The following NRIP1 variants were observed in gnomAD, a reference collection of about 807,000 sequenced individuals.
NRIP1 encodes nuclear receptor interacting protein 1, also known as nuclear receptor-interacting protein 1.
In NRIP1, 28 loss-of-function variants were observed where a neutral mutation model predicts 75.0. The observed-to-expected ratio is 0.37, with a 90% confidence interval of 0.28 to 0.51. The LOEUF is 0.51. NRIP1 is among the 20% of genes least tolerant of loss of function. The pLI is 0.92. For synonymous variants in NRIP1, 526 were observed against 487.6 expected, an observed-to-expected ratio of 1.08 and a Z score of -1.04; for missense variants, 1,435 against 1,343.7, an observed-to-expected ratio of 1.07 and a Z score of -1.06.
At position 14,965,689 on chromosome 21, in the gene NRIP1, G is replaced by A. The variant is rs1401960498; in HGVS notation, c.2504C>T (p.Ser835Leu). 1.9e-6 allele frequency: 3 copies of A among 1,613,536 alleles called. No homozygotes were observed. The African/African-American group carries it at 4.0e-5, about 22-fold the overall frequency. Residue 835 changes from serine (S) to leucine (L), a missense_variant, in exon 4 of 4, where the codon TCA (serine) becomes TTA (leucine). By Grantham distance (145) the Ser-to-Leu change is moderately radical (BLOSUM62 -2). Transcript: ENST00000318948. ...TTCATTATTTCTGTGACTCCTGTCT[G>A]AATCATCTGCCAGGTAACTATCTTG... ...QNQDSYLADD[S>L]DRSHRNNEMA...
At chr21:15,010,118 C>G (rs965426316) in intron 3 of NRIP1, among the ~76,000 whole-genome samples, 3 of 152,028 alleles carry the variant, frequency 2.0e-5, no homozygotes, top group African/African-American at 7.2e-5. Flanking sequence ...ACTCATATAC[C>G]TCTAATCCAG....
intron 3 of NRIP1, among the ~76,000 whole-genome samples, chr21:14,988,667 T>C (rs907963083): frequency 1.8e-4 from 28 of 152,132 alleles, no homozygotes; most frequent in African/African-American, 6.0e-4. Flanking sequence ...AAAAGATGCA[T>C]ATAATTTCTT....
At chr21:15,009,854 A>T (rs2088060950) in intron 3 of NRIP1, among the ~76,000 whole-genome samples, 1 of 152,216 alleles carries the variant, frequency 6.6e-6, no homozygotes, top group Admixed American at 6.5e-5. Flanking sequence ...ATAGCTTTTT[A>T]AAAAGACAAT....
chr21:14,972,777 A>G (rs916902698), intron 3 of NRIP1, among the ~76,000 whole-genome samples: 1 of 152,224 alleles, frequency 6.6e-6, no homozygotes, highest in African/African-American at 2.4e-5. Flanking sequence ...ATCATCAGGC[A>G]TTAGATTCTT....
chr21:15,047,706 T>C (rs1159261981), intron 1 of NRIP1, among the ~76,000 whole-genome samples: 3 of 152,070 alleles, frequency 2.0e-5, no homozygotes, highest in Non-Finnish European at 4.4e-5. Flanking sequence ...AAGATGAGAT[T>C]TGGGTGGAGA....
chr21:14,967,098 T>G lies in NRIP1; in HGVS notation c.1095A>C (p.Ser365=). The G allele has an allele frequency of 6.2e-7, 1 of 1,614,148 alleles. No individual in the cohort carries two copies. Among genetic ancestry groups the G allele is most frequent in the South Asian group, 1.1e-5 (1 of 91,082 alleles). ...CTTGTTTTATATTGTTTCTTTCCAGTGAGTTCTTATAACCTGCATTTTTAG... is the reference window on the plus strand; with the variant it reads ...CTTGTTTTATATTGTTTCTTTCCAGGGAGTTCTTATAACCTGCATTTTTAG... ...SSPKNAGYKN[S]LERNNIKQAA... is the part of the protein sequence containing the mutation. The change falls in exon 4 of 4, where the codon TCA becomes TCC. Residue 365 remains serine, a synonymous_variant. Coordinates refer to ENST00000318948, the MANE Select transcript of NRIP1 (RefSeq NM_003489.4).
chr21:15,052,791 G>A (rs2089229671), intron 1 of NRIP1, among the ~76,000 whole-genome samples: 1 of 151,932 alleles, frequency 6.6e-6, no homozygotes. Context: ...AAAGTAACAT[G>A]CTATCATTAA....
In NRIP1 at chr21:14,967,642, T is replaced by C. The variant is rs771853857; in HGVS notation, c.551A>G (p.His184Arg). The C allele has an allele frequency of 1.2e-6, 2 of 1,613,864 alleles. No homozygotes were observed. The highest frequency in any genetic ancestry group is 1.7e-6 in the Non-Finnish European group (2 of 1,179,976). The change falls in exon 4 of 4, where the codon CAC (histidine) becomes CGC (arginine). Residue 184 changes from histidine to arginine, a missense_variant. His to Arg is a conservative substitution (Grantham distance 29, BLOSUM62 0). Coordinates refer to ENST00000318948, the MANE Select transcript of NRIP1 (RefSeq NM_003489.4). ...DLRCYGVASSHLKTLLKKSKV... is the reference protein window; with the variant it reads ...DLRCYGVASSRLKTLLKKSKV... The stretch of plus-strand genomic sequence containing the variant: ...ACTTTTCTTCAACAAAGTTTTTAAG[T>C]GACTTGATGCAACACCATAGCACCT...
At chr21:15,031,173 GTACACTCTGGAAGGCGTTCA>G (rs1568993821) in intron 2 of NRIP1, among the ~76,000 whole-genome samples, 1 of 110,584 alleles carries the variant, frequency 9.0e-6, no homozygotes, top group Non-Finnish European at 1.9e-5. Context: ...TTCTATGTGT[GTACACTCTGGAAGGCGTTCA>G]GAGGTTCACC....
chr21:15,065,493 T>A (rs1176801760), upstream of NRIP1, among the ~76,000 whole-genome samples: 1 of 151,620 alleles, frequency 6.6e-6, no homozygotes, highest in Non-Finnish European at 1.5e-5. Flanking sequence ...CGCTCCAGGG[T>A]CCCCGCCTGC....
chr21:15,022,470 C>G (rs2066671426), intron 2 of NRIP1, among the ~76,000 whole-genome samples: 1 of 152,116 alleles, frequency 6.6e-6, no homozygotes, highest in African/African-American at 2.4e-5. Context: ...TTGATCTATG[C>G]AGTAAACCAC....
intron 3 of NRIP1, among the ~76,000 whole-genome samples, chr21:14,980,167 A>G (rs1183838694): frequency 1.3e-5 from 2 of 152,162 alleles, no homozygotes; most frequent in Admixed American, 1.3e-4. Context: ...CAAAAACAAA[A>G]AGTGATTCTT....
Position 14,966,052 on chromosome 21 carries a change from T to C in NRIP1, c.2141A>G (p.Gln714Arg), listed in dbSNP as rs760269738. 6.2e-7 allele frequency: 1 copy of C among 1,613,084 alleles called. No individual in the cohort carries two copies. Among genetic ancestry groups the C allele is most frequent in the Admixed American group, 1.7e-5 (1 of 59,934 alleles). Residue 714 changes from glutamine to arginine, a missense_variant, in exon 4 of 4, where the codon CAG becomes CGG. Coordinates refer to ENST00000318948, the MANE Select transcript of NRIP1 (RefSeq NM_003489.4). Reference sequence around the variant, plus strand: ...TTTGTTGGGGTTCCCCAGGAGCAACTGGAGGACAGTACGTCTTTCAAGCAG... The same window carrying C: ...TTTGTTGGGGTTCCCCAGGAGCAACCGGAGGACAGTACGTCTTTCAAGCAG... The part of the protein sequence containing the change: ...ENLLERRTVL[Q>R]LLLGNPNKGK...
intron 3 of NRIP1, among the ~76,000 whole-genome samples, chr21:15,010,216 A>G (rs920704355): frequency 3.3e-5 from 5 of 152,252 alleles, no homozygotes; most frequent in Admixed American, 6.5e-5. Flanking sequence ...CACAGGCCAC[A>G]TGGTTGAAGG....
rs1568930059 is a variant in NRIP1, at chr21:14,962,018, TATA to T, written c.*2695_*2697del. ...TCAATATATATATATATACATATTA[TATA>T]TATATATATATATATATATATAAAA... On this transcript the variant is annotated 3_prime_UTR_variant, in exon 4 of 4. Coordinates refer to ENST00000318948, the MANE Select transcript of NRIP1 (RefSeq NM_003489.4). 1.6e-3 allele frequency: 18 copies of T among 11,440 alleles called. No individual in the cohort carries two copies. The African/African-American group carries it at 0.029, about 19-fold the overall frequency. 0.7% of individuals were successfully genotyped at this position (11,440 alleles called of 1,614,324 possible). A position where few individuals can be genotyped will look rare whatever the true frequency, so the allele number is the denominator to read the frequency against.
chr21:15,004,993 T>C (rs896736225), intron 3 of NRIP1, among the ~76,000 whole-genome samples: 1 of 152,202 alleles, frequency 6.6e-6, no homozygotes, highest in Non-Finnish European at 1.5e-5. Flanking sequence ...AGGAGATAGA[T>C]GTCATGGGGA....
intron 2 of NRIP1, among the ~76,000 whole-genome samples, chr21:15,017,028 A>AG (rs1258671396): frequency 6.6e-6 from 1 of 152,106 alleles, no homozygotes; most frequent in Admixed American, 6.5e-5. Flanking sequence ...GAAGGAAGGA[A>AG]GGAAAGAGAA....
chr21:15,022,445 T>C (rs1379342487), intron 2 of NRIP1, among the ~76,000 whole-genome samples: 1 of 152,186 alleles, frequency 6.6e-6, no homozygotes, highest in East Asian at 1.9e-4. Context: ...CTGGGCTTAG[T>C]ATCTAAGTGA....
At chr21:15,000,244 A>G (rs939851636) in intron 3 of NRIP1, among the ~76,000 whole-genome samples, 2 of 152,172 alleles carry the variant, frequency 1.3e-5, no homozygotes, top group Non-Finnish European at 1.5e-5. Flanking sequence ...ACTCACTACC[A>G]TGAACACTGC....
Sources: gnomAD v4.1 joint callset for allele counts (sites outside exome capture counted in the v4.1 genomes callset) on GRCh38, gnomAD v4.1.1 for gene constraint, MANE v1.5 for transcripts, NCBI Gene and HGNC (gene_info 2026-07-23, HGNC 2026-07-21) for gene names.